EML6: variants seen among roughly 807,000 people sequenced by gnomAD.
The protein encoded by EML6 is EMAP like 6.
A neutral mutation model predicts 240.1 loss-of-function variants in EML6; 154 were observed. The ratio of observed to expected loss-of-function variants is 0.64; its 90% confidence interval spans 0.56 to 0.73. The LOEUF (loss-of-function observed/expected upper bound fraction) is 0.73. Among genes scored for constraint, EML6 ranks in the 30% least tolerant of loss-of-function variants. The pLI is 0.00. For synonymous variants in EML6, 1,148 were observed against 899.0 expected (o/e 1.28, Z -4.95); for missense variants, 2,964 against 2,474.6 (o/e 1.20, Z -4.20).
chr2:54,807,824 T>G (rs1002270911), intron 2 of EML6, among the ~76,000 whole-genome samples: 1 of 152,224 alleles, frequency 6.6e-6, no homozygotes, highest in Non-Finnish European at 1.5e-5. Flanking sequence ...TAAAACTTAA[T>G]CAGTTTTTGG....
intron 16 of EML6, among the ~76,000 whole-genome samples, chr2:54,872,122 C>G (rs868487267): frequency 4.6e-5 from 7 of 152,260 alleles, no homozygotes; most frequent in Admixed American, 2.6e-4. Flanking sequence ...AAAAATAGAA[C>G]TGAAGTTTTC....
intron 3 of EML6, among the ~76,000 whole-genome samples, chr2:54,816,074 A>G (rs1558573930): frequency 6.6e-6 from 1 of 152,180 alleles, no homozygotes; most frequent in Non-Finnish European, 1.5e-5. Context: ...AGCCAAATCT[A>G]CTTATAGTTC....
At chr2:54,799,604 A>C (rs938567808) in intron 2 of EML6, among the ~76,000 whole-genome samples, 1 of 152,280 alleles carries the variant, frequency 6.6e-6, no homozygotes, top group East Asian at 1.9e-4. Flanking sequence ...TGGCCTCCCA[A>C]AGTGCTGGGA....
intron 4 of EML6, among the ~76,000 whole-genome samples, chr2:54,817,331 G>C (rs1668123953): frequency 6.6e-6 from 1 of 152,180 alleles, no homozygotes; most frequent in South Asian, 2.1e-4. Context: ...GCTTACTCCT[G>C]TTGAAGTCAG....
chr2:54,827,116 T>C (rs1668634837), intron 5 of EML6, among the ~76,000 whole-genome samples: 1 of 152,214 alleles, frequency 6.6e-6, no homozygotes, highest in African/African-American at 2.4e-5. Context: ...GAGGTTGCAG[T>C]GAGCTGAGAT....
rs1414893701 is a variant in EML6 at position 54,816,848 on chromosome 2, G to T, written c.419G>T (p.Gly140Val). Residue 140 changes from glycine (G) to valine (V), a missense_variant, in exon 4 of 42, where the codon GGA becomes GTA. Physicochemically the swap from Gly to Val is moderately radical, Grantham distance 109. Transcript: ENST00000356458. ...NTVCIWDWRK[G>V]KLLASATGHS... ...GTCTGCATTTGGGACTGGAGGAAGG[G>T]AAAACTTCTGGCGTCAGCCACCGGC... The T allele has an allele frequency of 6.4e-7, 1 of 1,551,382 alleles. No individual in the cohort carries two copies. Among genetic ancestry groups the T allele is most frequent in the African/African-American group, 1.4e-5 (1 of 73,034 alleles).
rs747583630 is a variant in EML6, at chr2:54,903,333, A to T, written c.3278-38A>T. 1.9e-6 allele frequency: 3 copies of T among 1,544,102 alleles called. No homozygotes were observed. In the South Asian group the frequency reaches 3.6e-5, roughly 19 times the overall value. ...AGTTCCTGGAAGTAAATTCCTATAT[A>T]AAATGCTTCGATGTTAACCCCACAT... is the stretch of plus-strand genomic sequence containing the variant. On this transcript the variant is annotated intron_variant, in intron 23 of 41. Transcript: ENST00000356458.
chr2:54,940,257 T>C (rs559301649), intron 28 of EML6, among the ~76,000 whole-genome samples: 1 of 152,332 alleles, frequency 6.6e-6, no homozygotes, highest in South Asian at 2.1e-4. Flanking sequence ...CCTCATTCTT[T>C]CTGAGTTGAT....
chr2:54,967,454 G>C (rs1407563327), intron 39 of EML6, among the ~76,000 whole-genome samples: 1 of 152,198 alleles, frequency 6.6e-6, no homozygotes, highest in Non-Finnish European at 1.5e-5. Context: ...CCAGACCCCG[G>C]CTTAGCAGGA....
intron 2 of EML6, among the ~76,000 whole-genome samples, chr2:54,734,524 G>T (rs558353935): frequency 2.2e-4 from 33 of 152,318 alleles, no homozygotes; most frequent in African/African-American, 7.5e-4. Flanking sequence ...TCCCCTGCTG[G>T]TCTGGTGTCA....
intron 19 of EML6, among the ~76,000 whole-genome samples, chr2:54,893,294 C>G (rs1246663156): frequency 6.6e-6 from 1 of 152,100 alleles, no homozygotes; most frequent in East Asian, 1.9e-4. Context: ...TTATAATGAA[C>G]AGAAGTTTAT....
intron 2 of EML6, among the ~76,000 whole-genome samples, chr2:54,789,513 CAAAAAAAAAAAAAAAAAAAAA>C (rs576842183): frequency 1.8e-4 from 14 of 77,898 alleles, no homozygotes; most frequent in South Asian, 9.3e-4. Context: ...GACTTCGTCT[CAAAAAAAAAAAAAAAAAAAAA>C]AAAAAAAAAA....
At chr2:54,833,549 T>C (rs1439836477) in intron 7 of EML6, among the ~76,000 whole-genome samples, 1 of 152,236 alleles carries the variant, frequency 6.6e-6, no homozygotes, top group Non-Finnish European at 1.5e-5. Flanking sequence ...GCGTGAATGA[T>C]TGGAGATGGG....
chr2:54,743,430 A>G (rs772448498), intron 2 of EML6, among the ~76,000 whole-genome samples: 3 of 152,238 alleles, frequency 2.0e-5, no homozygotes, highest in Non-Finnish European at 4.4e-5. Context: ...GACCTGCTGT[A>G]TATATCTATT....
intron 2 of EML6, among the ~76,000 whole-genome samples, chr2:54,778,398 A>C (rs1252334886): frequency 6.6e-6 from 1 of 152,116 alleles, no homozygotes; most frequent in Non-Finnish European, 1.5e-5. Context: ...GTCTGGGATG[A>C]GGAGAAAGTT....
intron 2 of EML6, among the ~76,000 whole-genome samples, chr2:54,812,469 G>A (rs560838267): frequency 2.0e-5 from 3 of 152,032 alleles, no homozygotes; most frequent in Admixed American, 2.0e-4. Flanking sequence ...GATTCCCAAC[G>A]TCTGTTTTTT....
intron 2 of EML6, among the ~76,000 whole-genome samples, chr2:54,811,171 C>T (rs1251948348): frequency 1.3e-5 from 2 of 152,168 alleles, no homozygotes; most frequent in Non-Finnish European, 2.9e-5. Context: ...TAACACCCCT[C>T]ACAGATCTGT....
In EML6 at chr2:54,968,756, G is replaced by A. The variant is rs1232630885; in HGVS notation, c.5840G>A (p.Gly1947Glu). 4 of 1,536,710 alleles carry A rather than the reference G, an allele frequency of 2.6e-6. No individual in the cohort carries two copies. In the Admixed American group the frequency reaches 7.8e-5, roughly 30 times the overall value. The change falls in exon 41 of 42, where the codon GGA becomes GAA. Residue 1947 changes from glycine to glutamate, a missense_variant. Gly to Glu is a moderately conservative substitution (Grantham distance 98, BLOSUM62 -2). Transcript: ENST00000356458. ...GACAAGTATGTGGTCAGCACTGGAGGAGACGACTGCAGGTACTAACGTAGC... is the reference window on the plus strand; with the variant it reads ...GACAAGTATGTGGTCAGCACTGGAGAAGACGACTGCAGGTACTAACGTAGC... ...YDDKYVVSTG[G>E]DDCSVFVWRC...
chr2:54,814,362 T>G (rs900638184), intron 3 of EML6, among the ~76,000 whole-genome samples: 2 of 151,438 alleles, frequency 1.3e-5, no homozygotes, highest in East Asian at 1.9e-4. Context: ...CAACATTTTC[T>G]CTTCTTCCTT....
Sources: gnomAD v4.1 joint callset for allele counts (sites outside exome capture counted in the v4.1 genomes callset) on GRCh38, gnomAD v4.1.1 for gene constraint, MANE v1.5 for transcripts, NCBI Gene and HGNC (gene_info 2026-07-23, HGNC 2026-07-21) for gene names.